The following GALNT18 variants were observed in gnomAD, a reference collection of about 807,000 sequenced individuals.
GALNT18 encodes the protein polypeptide N-acetylgalactosaminyltransferase 18.
GALNT18 carries 44 observed loss-of-function variants against 69.5 expected under a neutral mutation model. The ratio of observed to expected loss-of-function variants is 0.63; its 90% CI spans 0.50 to 0.81. GALNT18 has a LOEUF of 0.81. GALNT18 is among the 40% of genes least tolerant of loss of function. The pLI is 0.00. For missense variants in GALNT18, 715 were observed against 810.0 expected (o/e 0.88, Z 1.42); for synonymous variants, 364 against 318.2 (o/e 1.14, Z -1.53).
intron 3 of GALNT18, among the ~76,000 whole-genome samples, chr11:11,409,077 C>T (rs979572683): frequency 6.6e-6 from 1 of 152,208 alleles, no homozygotes; most frequent in African/African-American, 2.4e-5. Flanking sequence ...TTAAAAACAG[C>T]CCTGGTACCA....
chr11:11,488,094 AT>A (rs544874606), intron 1 of GALNT18, among the ~76,000 whole-genome samples: 324 of 152,292 alleles, frequency 2.1e-3, no homozygotes, highest in Admixed American at 4.8e-3. Context: ...AGCTGTGCCT[AT>A]TTTATAGAGT....
intron 1 of GALNT18, among the ~76,000 whole-genome samples, chr11:11,473,747 C>A (rs1856325985): frequency 6.6e-6 from 1 of 152,158 alleles, no homozygotes; most frequent in South Asian, 2.1e-4. Flanking sequence ...ATGTCAGGCA[C>A]CTGGCAGACA....
chr11:11,366,106 T>C (rs1346057616), intron 6 of GALNT18, among the ~76,000 whole-genome samples: 1 of 152,254 alleles, frequency 6.6e-6, no homozygotes, highest in Non-Finnish European at 1.5e-5. Flanking sequence ...TATGACCATG[T>C]GGCTCTGGCT....
In GALNT18 at chr11:11,564,874, G is replaced by A. The variant is rs1395304782; in HGVS notation, c.235+56485C>T. 2.6e-5 allele frequency among the ~76,000 whole-genome samples: 4 copies of A among 152,288 alleles called. No individual in the cohort carries two copies. Among genetic ancestry groups the A allele is most frequent in the Non-Finnish European group, 4.4e-5 (3 of 68,030 alleles). ...GTTCATAAGTGGCCTGTGTCTGCTC[G>A]ATACCATAGTGAACAGAATAGGTCT... On this transcript the variant is annotated intron_variant, in intron 1 of 10. Coordinates refer to ENST00000227756, the MANE Select transcript of GALNT18 (RefSeq NM_198516.3). This position sits in a 1 kb window ranked among gnomAD's most constrained non-coding sequence, Gnocchi z 4.3.
intron 1 of GALNT18, among the ~76,000 whole-genome samples, chr11:11,570,727 G>A (rs1460385093): frequency 6.6e-6 from 1 of 152,152 alleles, no homozygotes; most frequent in Non-Finnish European, 1.5e-5. Context: ...TTTAATATCA[G>A]GCTTCAGCCC....
Position 11,605,429 on chromosome 11 carries a change from A to G in GALNT18, c.235+15930T>C, listed in dbSNP as rs1859727440. On this transcript the variant is annotated intron_variant, in intron 1 of 10. Transcript: ENST00000227756. This position sits in a 1 kb window ranked among gnomAD's most constrained non-coding sequence, Gnocchi z 4.7. The stretch of plus-strand genomic sequence containing the variant: ...CCTGAGTGCGAAACAGCAAGTCCTA[A>G]CTTGCCAGGCCGCCAGTCACCGCCA... 6.6e-6 allele frequency among the ~76,000 whole-genome samples: 1 copy of G among 152,108 alleles called. No homozygotes were observed. Among genetic ancestry groups the G allele is most frequent in the Non-Finnish European group, 1.5e-5 (1 of 68,006 alleles).
chr11:11,275,322 T>C (rs1232201020), intron 10 of GALNT18, among the ~76,000 whole-genome samples: 1 of 141,648 alleles, frequency 7.1e-6, no homozygotes, highest in Non-Finnish European at 1.6e-5. Context: ...TTCATGTGTC[T>C]GTTGGCTGCA....
At chr11:11,353,948 A>C (rs1398086414) in intron 6 of GALNT18, among the ~76,000 whole-genome samples, 1 of 152,332 alleles carries the variant, frequency 6.6e-6, no homozygotes, top group African/African-American at 2.4e-5. Flanking sequence ...GTCTGGCTCA[A>C]GCATCATCCT....
chr11:11,459,072 G>A lies in GALNT18; in HGVS notation c.236-10136C>T, dbSNP rs2133835703. 6.6e-6 allele frequency among the ~76,000 whole-genome samples: 1 copy of A among 152,294 alleles called. No individual in the cohort carries two copies. The highest frequency in any genetic ancestry group is 2.1e-4 in the South Asian group (1 of 4,822). On this transcript the variant is annotated intron_variant, in intron 1 of 10. Coordinates refer to ENST00000227756, the MANE Select transcript of GALNT18 (RefSeq NM_198516.3). This position sits in a 1 kb window ranked among gnomAD's most constrained non-coding sequence, Gnocchi z 5.0. ...AGCAAGATGTTATGCCTCTGCTTGTGATTAGGCTCCCAAAGGACAATTTTC... is the reference window on the plus strand; with the variant it reads ...AGCAAGATGTTATGCCTCTGCTTGTAATTAGGCTCCCAAAGGACAATTTTC...
chr11:11,299,603 T>A (rs893334641), intron 9 of GALNT18, among the ~76,000 whole-genome samples: 1 of 152,252 alleles, frequency 6.6e-6, no homozygotes, highest in African/African-American at 2.4e-5. Flanking sequence ...TTACTTCATT[T>A]AGAATGGCCT....
In GALNT18 at chr11:11,621,478, A is replaced by T. The variant is rs1445575501; in HGVS notation, c.116T>A (p.Val39Glu). ...VGWVTNYIAS[V>E]YVRGQEPAPD... is the part of the protein sequence containing the mutation. ...CGCCGGCTCCTGCCCCCGCACATAC[A>T]CGCTGGCGATGTAGTTGGTGACCCA... is the stretch of plus-strand genomic sequence containing the variant. The change falls in exon 1 of 11, where the codon GTG becomes GAG. Residue 39 changes from valine (V) to glutamate (E), a missense_variant. By Grantham distance (121) the Val-to-Glu change is moderately radical. Transcript: ENST00000227756. The surrounding 1 kb of genome is among the most constrained non-coding windows in gnomAD (Gnocchi z 9.3). The T allele has an allele frequency of 6.2e-7, 1 of 1,613,850 alleles. No homozygotes were observed. The highest frequency in any genetic ancestry group is 1.1e-5 in the South Asian group (1 of 91,050).
chr11:11,399,666 C>T (rs1854416721), intron 3 of GALNT18, among the ~76,000 whole-genome samples: 1 of 152,124 alleles, frequency 6.6e-6, no homozygotes. Flanking sequence ...AAATCCCAAC[C>T]CCACTTACAA....
At position 11,396,705 on chromosome 11, in the gene GALNT18, A is replaced by C. The variant is rs1854338979; in HGVS notation, c.596-17441T>G. ...GGTGAAAGTGTTTGGTGAGGTCAAA[A>C]GGGAAGAAGAACAGAGGTGAGAGCT... On this transcript the variant is annotated intron_variant, in intron 3 of 10. Transcript: ENST00000227756. The surrounding 1 kb of genome is among the most constrained non-coding windows in gnomAD (Gnocchi z 5.2). Among the ~76,000 whole-genome samples, 1 of 152,192 alleles carries C rather than the reference A, an allele frequency of 6.6e-6. No individual in the cohort carries two copies. Among genetic ancestry groups the C allele is most frequent in the Non-Finnish European group, 1.5e-5 (1 of 68,034 alleles).
At chr11:11,490,863 G>C (rs34567079) in intron 1 of GALNT18, among the ~76,000 whole-genome samples, 27,568 of 152,212 alleles carry the variant, frequency 0.18, 2,638 homozygotes, top group Middle Eastern at 0.23. Flanking sequence ...TCAGAGGTTT[G>C]TCTGGCACAT....
intron 1 of GALNT18, among the ~76,000 whole-genome samples, chr11:11,575,363 T>G (rs10765866): frequency 6.6e-6 from 1 of 152,112 alleles, no homozygotes; most frequent in Non-Finnish European, 1.5e-5. Context: ...CTTTCTCTTC[T>G]CAAACTAAAC....
chr11:11,537,985 T>C (rs1004484330), intron 1 of GALNT18, among the ~76,000 whole-genome samples: 5 of 152,066 alleles, frequency 3.3e-5, no homozygotes, highest in African/African-American at 9.7e-5. Flanking sequence ...ACAACTATAA[T>C]ATAATAACAA....
intron 2 of GALNT18, among the ~76,000 whole-genome samples, chr11:11,447,523 C>T (rs987791118): frequency 6.6e-6 from 1 of 152,188 alleles, no homozygotes; most frequent in Non-Finnish European, 1.5e-5. Flanking sequence ...TTAGTCCATT[C>T]TCATGCTGCT....
At chr11:11,367,765 C>G (rs192052033) in intron 6 of GALNT18, among the ~76,000 whole-genome samples, 179 of 152,336 alleles carry the variant, frequency 1.2e-3, no homozygotes, top group African/African-American at 4.1e-3. Flanking sequence ...CCGTTCCATA[C>G]AACTGAGAAG....
At chr11:11,522,125 G>A (rs1035938338) in intron 1 of GALNT18, among the ~76,000 whole-genome samples, 1 of 152,166 alleles carries the variant, frequency 6.6e-6, no homozygotes, top group African/African-American at 2.4e-5. Flanking sequence ...AAGGCCCTAG[G>A]AGGCCCCAGG....
Sources: gnomAD v4.1 joint callset for allele counts (sites outside exome capture counted in the v4.1 genomes callset) on GRCh38, gnomAD v4.1.1 for gene constraint, Gnocchi (gnomAD v3.1) non-coding constraint, MANE v1.5 for transcripts, NCBI Gene and HGNC (gene_info 2026-07-23, HGNC 2026-07-21) for gene names.